The following RPS6KA2 variants were observed in gnomAD, a reference collection of about 807,000 sequenced individuals.
RPS6KA2 encodes ribosomal protein S6 kinase alpha-2.
In RPS6KA2, 42 loss-of-function variants were observed where a neutral mutation model predicts 91.8. The observed-to-expected ratio is 0.46, with a 90% CI of 0.36 to 0.59. The LOEUF is 0.59. RPS6KA2 is among the 20% of genes least tolerant of loss of function. The probability of loss-of-function intolerance (pLI) is 0.00; values close to 1 mark genes in which losing one functional copy is unlikely to be tolerated. For synonymous variants in RPS6KA2, 414 were observed against 393.6 expected, an observed-to-expected ratio of 1.05 and a Z score of -0.61; for missense variants, 798 against 978.5, an observed-to-expected ratio of 0.82 and a Z score of 2.46.
chr6:166,783,821 CATAT>C (rs1778844144), intron 2 of RPS6KA2, among the ~76,000 whole-genome samples: 1 of 86,468 alleles, frequency 1.2e-5, no homozygotes, highest in Admixed American at 1.2e-4. Context: ...CCTGTAACCA[CATAT>C]GCACACGTGC....
chr6:166,492,564 C>A (rs80239488), intron 8 of RPS6KA2, among the ~76,000 whole-genome samples: 2 of 152,196 alleles, frequency 1.3e-5, no homozygotes, highest in Non-Finnish European at 2.9e-5. Context: ...CAAGGACAAG[C>A]CTTCTGGCTA....
intron 2 of RPS6KA2, among the ~76,000 whole-genome samples, chr6:166,710,560 G>A (rs1255545673): frequency 6.6e-6 from 1 of 151,938 alleles, no homozygotes; most frequent in Non-Finnish European, 1.5e-5. Flanking sequence ...TTGTGTGTCT[G>A]TGTGTGTGTC....
intron 2 of RPS6KA2, among the ~76,000 whole-genome samples, chr6:166,745,297 G>C (rs566837283): frequency 1.3e-5 from 2 of 152,148 alleles, no homozygotes; most frequent in East Asian, 1.9e-4. Flanking sequence ...GATTTCAGGT[G>C]TGTGCCACCA....
intron 19 of RPS6KA2, among the ~76,000 whole-genome samples, chr6:166,414,485 T>C (rs1778431327): frequency 6.6e-6 from 1 of 152,244 alleles, no homozygotes; most frequent in African/African-American, 2.4e-5. Context: ...AACAAGATTC[T>C]ACATGTGTGT....
At chr6:166,677,363 T>TA (rs370452753) in intron 2 of RPS6KA2, among the ~76,000 whole-genome samples, 72 of 131,288 alleles carry the variant, frequency 5.5e-4, no homozygotes, top group Middle Eastern at 4.0e-3. Flanking sequence ...TTCATATCAG[T>TA]TTTTTTTTTT....
At chr6:166,807,988 A>G (rs1779535371) in intron 2 of RPS6KA2, among the ~76,000 whole-genome samples, 2 of 151,992 alleles carry the variant, frequency 1.3e-5, no homozygotes, top group Non-Finnish European at 2.9e-5. Context: ...AGCACGATGG[A>G]CCCATGGCTC....
At chr6:166,530,019 A>G (rs1322152572) in intron 3 of RPS6KA2, among the ~76,000 whole-genome samples, 2 of 152,180 alleles carry the variant, frequency 1.3e-5, no homozygotes, top group Admixed American at 1.3e-4. Context: ...TATTTGGTCT[A>G]TGCATTTTTT....
chr6:166,779,890 A>G (rs1778722802), intron 2 of RPS6KA2, among the ~76,000 whole-genome samples: 1 of 152,192 alleles, frequency 6.6e-6, no homozygotes, highest in Non-Finnish European at 1.5e-5. Flanking sequence ...CGCTAGAGAC[A>G]ACCAATGCTC....
chr6:166,459,307 A>G lies in RPS6KA2; in HGVS notation c.1075+142T>C, dbSNP rs1780197662. 1 of 605,680 alleles carries G rather than the reference A, an allele frequency of 1.7e-6. No homozygotes were observed. The highest frequency in any genetic ancestry group is 2.9e-6 in the Non-Finnish European group (1 of 340,976). 37.5% of individuals were successfully genotyped at this position (605,680 alleles called of 1,614,324 possible). On this transcript the variant is annotated intron_variant, in intron 12 of 20. Coordinates refer to ENST00000265678, the MANE Select transcript of RPS6KA2 (RefSeq NM_021135.6). The surrounding 1 kb of genome is among the most constrained non-coding windows in gnomAD (Gnocchi z 4.9). ...CCTTTATCACTGAGCAGAGAAAACA[A>G]CAACAAAAAACCCAAACAGAATGGA...
chr6:166,672,070 T>C (rs1788488015), intron 2 of RPS6KA2, among the ~76,000 whole-genome samples: 1 of 152,234 alleles, frequency 6.6e-6, no homozygotes, highest in Non-Finnish European at 1.5e-5. Flanking sequence ...GTCCCGCTAG[T>C]TGCTGCTGGA....
Position 166,742,543 on chromosome 6 carries a change from G to A in RPS6KA2, c.123+115657C>T, listed in dbSNP as rs551698710. 1.2e-3 allele frequency among the ~76,000 whole-genome samples: 189 copies of A among 152,246 alleles called. 1 individual carries two copies. The highest frequency in any genetic ancestry group is 1.9e-3 in the Non-Finnish European group (127 of 68,014). ...TGCCTCCTCCTGACACAAACACGAG[G>A]AGCTGTGGCAGCTCTCCCTGCGGTG... is the stretch of plus-strand genomic sequence containing the variant. On this transcript the variant is annotated intron_variant, in intron 2 of 21. Coordinates refer to the RPS6KA2 transcript ENST00000503859.
chr6:166,535,724 A>G (rs1172744983), intron 2 of RPS6KA2, among the ~76,000 whole-genome samples: 1 of 152,182 alleles, frequency 6.6e-6, no homozygotes, highest in Non-Finnish European at 1.5e-5. Context: ...AAGCTTCACC[A>G]TCTTTCATTG....
At chr6:166,505,196 CG>C (rs377295782) in intron 5 of RPS6KA2, among the ~76,000 whole-genome samples, 57 of 147,328 alleles carry the variant, frequency 3.9e-4, no homozygotes, top group Middle Eastern at 6.9e-3. Flanking sequence ...GCTGAGGGGG[CG>C]GGATGGGGAG....
chr6:166,853,296 T>A (rs1562471977), intron 2 of RPS6KA2, among the ~76,000 whole-genome samples: 1 of 152,186 alleles, frequency 6.6e-6, no homozygotes, highest in South Asian at 2.1e-4. Context: ...CTAATTAAAT[T>A]CATGCAACAA....
At chr6:166,485,808 C>T (rs1415204827) in intron 10 of RPS6KA2, among the ~76,000 whole-genome samples, 23 of 152,224 alleles carry the variant, frequency 1.5e-4, no homozygotes, top group Admixed American at 1.5e-3. Context: ...CAGGGTGGGA[C>T]ACAAGCCCTT....
intron 1 of RPS6KA2, among the ~76,000 whole-genome samples, chr6:166,604,487 G>A (rs1187412188): frequency 6.6e-6 from 1 of 152,160 alleles, no homozygotes; most frequent in East Asian, 1.9e-4. Context: ...AACTGAAGTT[G>A]CCGGAGCTGG....
intron 2 of RPS6KA2, among the ~76,000 whole-genome samples, chr6:166,802,990 C>G (rs9457222): frequency 0.2 from 30,283 of 150,956 alleles, 3,574 homozygotes; most frequent in African/African-American, 0.32. Flanking sequence ...ACCAATTAGA[C>G]TAATTTTTAA....
At chr6:166,797,227 C>T (rs527930193) in intron 2 of RPS6KA2, among the ~76,000 whole-genome samples, 1 of 152,220 alleles carries the variant, frequency 6.6e-6, no homozygotes, top group South Asian at 2.1e-4. Context: ...GTGCTGGGGA[C>T]ATTGTGCAGG....
At chr6:166,471,770 C>G (rs1049917844) in intron 10 of RPS6KA2, among the ~76,000 whole-genome samples, 1 of 152,132 alleles carries the variant, frequency 6.6e-6, no homozygotes, top group Non-Finnish European at 1.5e-5. Flanking sequence ...TTTGGAGGCA[C>G]ATGTCTGAAA....
Sources: allele counts gnomAD v4.1 joint callset (sites outside exome capture counted in the v4.1 genomes callset), GRCh38; gene constraint gnomAD v4.1.1; non-coding constraint Gnocchi (gnomAD v3.1); transcripts MANE v1.5; gene names NCBI Gene and HGNC (gene_info 2026-07-23, HGNC 2026-07-21).